Variants in FGF6 observed in about 807,000 individuals in gnomAD.
FGF6 encodes the protein fibroblast growth factor 6, also known as FGF-6.
FGF6 carries 14 observed loss-of-function variants against 18.4 expected under a neutral mutation model. The ratio of observed to expected loss-of-function variants is 0.76; its 90% CI spans 0.50 to 1.19. The LOEUF (loss-of-function observed/expected upper bound fraction) is 1.19, where lower values mean the gene tolerates loss of function less well. Among genes scored for constraint, FGF6 ranks in the 50% most tolerant of loss-of-function variants. FGF6 has a pLI of 0.00. For missense variants in FGF6, 266 were observed against 271.6 expected, an observed-to-expected ratio of 0.98 and a Z score of 0.15; for synonymous variants, 125 against 116.7, an observed-to-expected ratio of 1.07 and a Z score of -0.46.
At chr12:4,441,314 T>G (rs908489424) in intron 2 of FGF6, among the ~76,000 whole-genome samples, 1 of 152,158 alleles carries the variant, frequency 6.6e-6, no homozygotes, top group Non-Finnish European at 1.5e-5. Flanking sequence ...GGCCAGGAAC[T>G]GGAACTCGGG....
At chr12:4,442,562 C>T (rs1035429063) in intron 2 of FGF6, among the ~76,000 whole-genome samples, 1 of 151,778 alleles carries the variant, frequency 6.6e-6, no homozygotes, top group Non-Finnish European at 1.5e-5. Context: ...GCTAAAACGT[C>T]CCTTGCTTGC....
chr12:4,438,366 T>A (rs1865647877), intron 2 of FGF6, among the ~76,000 whole-genome samples: 1 of 152,190 alleles, frequency 6.6e-6, no homozygotes, highest in African/African-American at 2.4e-5. Flanking sequence ...ATATAGCAAC[T>A]GATCAGCAAT....
At position 4,443,211 on chromosome 12, in the gene FGF6, C is replaced by T. The variant is rs1030611563; in HGVS notation, c.450+922G>A. On this transcript the variant is annotated intron_variant, in intron 2 of 2. Transcript: ENST00000228837. ...GGGACAGCTCCCCTGGGACCCAGTG[C>T]CAGTCCTGGATCTATTTCTTCACAT... Among the ~76,000 whole-genome samples, 3 of 152,244 alleles carry T rather than the reference C, an allele frequency of 2.0e-5. No homozygotes were observed. In the South Asian group the frequency reaches 6.2e-4, roughly 32 times the overall value.
At chr12:4,440,219 A>G (rs1046421910) in intron 2 of FGF6, among the ~76,000 whole-genome samples, 8 of 152,256 alleles carry the variant, frequency 5.3e-5, no homozygotes, top group African/African-American at 1.4e-4. Flanking sequence ...ATGTAGGTCT[A>G]TTCAGACTTA....
At chr12:4,445,814 TTGA>T (rs1186408306) in exon 1 of FGF6, among the ~76,000 whole-genome samples, 1 of 152,124 alleles carries the variant, frequency 6.6e-6, no homozygotes, top group Non-Finnish European at 1.5e-5. The surrounding 1 kb of genome is among the most constrained non-coding windows in gnomAD (Gnocchi z 5.5). Flanking sequence ...CCGTCCCTAG[TTGA>T]TGATATTTGA....
In FGF6 at chr12:4,445,624, C is replaced by T; in HGVS notation, c.-54G>A. On this transcript the variant is annotated 5_prime_UTR_variant, in exon 1 of 3. Transcript: ENST00000228837. The surrounding 1 kb of genome is among the most constrained non-coding windows in gnomAD (Gnocchi z 5.5). The stretch of plus-strand genomic sequence containing the variant: ...AATTAATGGCCCTAAAAATACCGCC[C>T]TTCTTGTTTTTCTCCCTCCGGCATG... The T allele has an allele frequency of 7.1e-6, 10 of 1,410,364 alleles. No individual in the cohort carries two copies. Among genetic ancestry groups the T allele is most frequent in the Non-Finnish European group, 9.5e-6 (10 of 1,050,158 alleles). 87.4% of individuals were successfully genotyped at this position (1,410,364 alleles called of 1,614,324 possible). A position where few individuals can be genotyped will look rare whatever the true frequency, so the allele number is the denominator to read the frequency against.
intron 2 of FGF6, among the ~76,000 whole-genome samples, chr12:4,436,880 G>A (rs1255848690): frequency 1.3e-5 from 2 of 152,214 alleles, no homozygotes; most frequent in African/African-American, 4.8e-5. Flanking sequence ...CACACCGGGG[G>A]GTGGGTTTTT....
chr12:4,445,604 A>G lies in FGF6; in HGVS notation c.-34T>C. Reference sequence around the variant, plus strand: ...CCTCTCAGGCACGTGGTCAGAATTAATGGCCCTAAAAATACCGCCCTTCTT... The same window carrying G: ...CCTCTCAGGCACGTGGTCAGAATTAGTGGCCCTAAAAATACCGCCCTTCTT... On this transcript the variant is annotated 5_prime_UTR_variant, in exon 1 of 3. Coordinates refer to ENST00000228837, the MANE Select transcript of FGF6 (RefSeq NM_020996.3). The surrounding 1 kb of genome is among the most constrained non-coding windows in gnomAD (Gnocchi z 5.5). The G allele has an allele frequency of 6.7e-7, 1 of 1,499,368 alleles. No individual in the cohort carries two copies. The highest frequency in any genetic ancestry group is 1.4e-5 in the African/African-American group (1 of 72,466). The allele number at this position is 1,499,368 out of a possible 1,614,324, so 92.9% of individuals were successfully genotyped here.
At chr12:4,444,331 C>CTTTTTT in intron 1 of FGF6, 95 bp from the exon 2 acceptor site, 1 of 796,718 alleles carries the variant, frequency 1.3e-6, no homozygotes, top group Non-Finnish European at 2.1e-6. Flanking sequence ...CCCCCTTCTC[C>CTTTTTT]TAGAAAGCCA....
intron 2 of FGF6, among the ~76,000 whole-genome samples, chr12:4,435,450 C>T (rs970836572): frequency 1.3e-5 from 2 of 152,158 alleles, no homozygotes; most frequent in African/African-American, 4.8e-5. Context: ...AACCGTCCCC[C>T]CATGTCCCCA....
chr12:4,434,476 C>T (rs1865605898), intron 2 of FGF6, 85 bp from the exon 3 acceptor site: 2 of 1,320,936 alleles, frequency 1.5e-6, no homozygotes, highest in South Asian at 2.4e-5. Flanking sequence ...AGAGTAGGCC[C>T]CTCTGCCAGG....
rs184000152 is a variant in FGF6 at position 4,437,137 on chromosome 12, A to T, written c.451-2746T>A. ...TAAGAACAGTAAGAAAAATTGTGTC[A>T]TAGAACTGGAGTAAGCATTAATTGA... On this transcript the variant is annotated intron_variant, in intron 2 of 2. Transcript: ENST00000228837. Among the ~76,000 whole-genome samples the T allele has an allele frequency of 5.5e-3, 835 of 152,366 alleles. 10 individuals carry two copies. The highest frequency in any genetic ancestry group is 0.019 in the African/African-American group (798 of 41,582).
Position 4,434,278 on chromosome 12 carries a change from C to G in FGF6, c.564G>C (p.Arg188=), listed in dbSNP as rs778997996. 6.2e-7 allele frequency: 1 copy of G among 1,614,160 alleles called. No homozygotes were observed. Among genetic ancestry groups the G allele is most frequent in the Non-Finnish European group, 8.5e-7 (1 of 1,180,042 alleles). ...GTYIALSKYG[R]VKRGSKVSPI... ...GGGACACCTTGCTGCCCCGCTTTACCCGTCCGTATTTGCTCAGGGCAATGT... is the reference window on the plus strand; with the variant it reads ...GGGACACCTTGCTGCCCCGCTTTACGCGTCCGTATTTGCTCAGGGCAATGT... Residue 188 remains arginine (R), a synonymous_variant, in exon 3 of 3, where the codon CGG becomes CGC. Coordinates refer to ENST00000228837, the MANE Select transcript of FGF6 (RefSeq NM_020996.3).
Position 4,445,277 on chromosome 12 carries a change from G to A in FGF6, c.294C>T (p.Leu98=), listed in dbSNP as rs376796208. ...TGATCCGGCCGTCGGGGAGCACCTGGAGGTGAAAGCCGATGCCCACGTTGC... is the reference window on the plus strand; with the variant it reads ...TGATCCGGCCGTCGGGGAGCACCTGAAGGTGAAAGCCGATGCCCACGTTGC... ...LYCNVGIGFH[L]QVLPDGRISG... Residue 98 remains leucine (L), a synonymous_variant, in exon 1 of 3, where the codon CTC becomes CTT. Coordinates refer to ENST00000228837, the MANE Select transcript of FGF6 (RefSeq NM_020996.3). The surrounding 1 kb of genome is among the most constrained non-coding windows in gnomAD (Gnocchi z 5.5). 17 of 1,613,910 alleles carry A rather than the reference G, an allele frequency of 1.1e-5. No homozygotes were observed. The African/African-American group carries it at 1.3e-4, about 13-fold the overall frequency.
Position 4,445,173 on chromosome 12 carries a change from C to T in FGF6, c.346+52G>A. On this transcript the variant is annotated intron_variant, in intron 1 of 2. Transcript: ENST00000228837. The surrounding 1 kb of genome is among the most constrained non-coding windows in gnomAD (Gnocchi z 5.5). ...AGCAGGGCCCCTTCACCTTTTAGCCCTGCATGAGCCCAAACCCCCAAGCGT... is the reference window on the plus strand; with the variant it reads ...AGCAGGGCCCCTTCACCTTTTAGCCTTGCATGAGCCCAAACCCCCAAGCGT... The T allele has an allele frequency of 6.7e-7, 1 of 1,483,526 alleles. No individual in the cohort carries two copies. The allele number at this position is 1,483,526 out of a possible 1,614,324, so 91.9% of individuals were successfully genotyped here.
chr12:4,438,154 T>G (rs1222668881), intron 2 of FGF6, among the ~76,000 whole-genome samples: 2 of 152,192 alleles, frequency 1.3e-5, no homozygotes, highest in African/African-American at 4.8e-5. Context: ...CAGAAGAGAA[T>G]ATGCCTAATA....
intron 2 of FGF6, among the ~76,000 whole-genome samples, chr12:4,441,090 T>A (rs749127596): frequency 6.6e-6 from 1 of 152,222 alleles, no homozygotes; most frequent in Non-Finnish European, 1.5e-5. Flanking sequence ...GAATTGCTGG[T>A]ATCTTTTTAC....
At chr12:4,444,313 C>A in intron 1 of FGF6, 77 bp from the exon 2 acceptor site, 1 of 902,142 alleles carries the variant, frequency 1.1e-6, no homozygotes, top group South Asian at 1.5e-5. Context: ...AAGGGCATCT[C>A]AGTCCATCCC....
At chr12:4,438,567 C>G (rs998925425) in intron 2 of FGF6, among the ~76,000 whole-genome samples, 1 of 151,824 alleles carries the variant, frequency 6.6e-6, no homozygotes, top group African/African-American at 2.4e-5. Context: ...TTGAGACCAT[C>G]CTGGTCAACA....
Sources: allele counts gnomAD v4.1 joint callset (sites outside exome capture counted in the v4.1 genomes callset), GRCh38; gene constraint gnomAD v4.1.1; non-coding constraint Gnocchi (gnomAD v3.1); transcripts MANE v1.5; gene names NCBI Gene and HGNC (gene_info 2026-07-23, HGNC 2026-07-21).